The following OR2L2 variants were observed in gnomAD, a reference collection of about 807,000 sequenced individuals.
OR2L2 encodes the protein olfactory receptor 2L2.
For missense variants in OR2L2, 378 were observed against 375.2 expected, an observed-to-expected ratio of 1.01 and a Z score of -0.06; for synonymous variants, 156 against 135.4, an observed-to-expected ratio of 1.15 and a Z score of -1.06.
chr1:248,039,010 C>T lies in OR2L2; in HGVS notation c.743C>T (p.Ser248Phe). ...TGTAGCACCCACCTCACTGTAGTGT[C>T]CTTCTACTATGCACCCTTTGCTTAT... The part of the protein sequence containing the change: ...STCSTHLTVV[S>F]FYYAPFAYTY... The change falls in exon 3 of 3, where the codon TCC becomes TTC. Residue 248 changes from serine to phenylalanine, a missense_variant. Physicochemically the swap from Ser to Phe is radical, Grantham distance 155. Coordinates refer to ENST00000641771, the MANE Select transcript of OR2L2 (RefSeq NM_001385855.1). 6.2e-7 allele frequency: 1 copy of T among 1,614,110 alleles called. No homozygotes were observed. The highest frequency in any genetic ancestry group is 8.5e-7 in the Non-Finnish European group (1 of 1,180,008).
Position 248,039,191 on chromosome 1 carries a change from C to T in OR2L2, c.924C>T (p.Phe308=). The change falls in exon 3 of 3, where the codon TTC becomes TTT. Residue 308 remains phenylalanine (F), a synonymous_variant. Coordinates refer to ENST00000641771, the MANE Select transcript of OR2L2 (RefSeq NM_001385855.1). Reference sequence around the variant, plus strand: ...TGACACAAGTGATTCAGAAAATCTTCTCAGTGAAAATGTAGACATACGTTC... The same window carrying T: ...TGACACAAGTGATTCAGAAAATCTTTTCAGTGAAAATGTAGACATACGTTC... ...GALTQVIQKI[F]SVKM 2 of 1,608,774 alleles carry T rather than the reference C, an allele frequency of 1.2e-6. No individual in the cohort carries two copies. Among genetic ancestry groups the T allele is most frequent in the Non-Finnish European group, 1.7e-6 (2 of 1,177,236 alleles).
Position 248,038,907 on chromosome 1 carries a change from G to T in OR2L2, c.640G>T (p.Ala214Ser). 1 of 1,614,076 alleles carries T rather than the reference G, an allele frequency of 6.2e-7. No homozygotes were observed. The change falls in exon 3 of 3, where the codon GCA becomes TCA. Residue 214 changes from alanine (A) to serine (S), a missense_variant. Ala to Ser is a moderately conservative substitution (Grantham distance 99). Coordinates refer to ENST00000641771, the MANE Select transcript of OR2L2 (RefSeq NM_001385855.1). ...IFLVLPFTGI[A>S]CSYGRVLLAV... ...TCTTGTGCTTCCTTTCACTGGTATT[G>T]CATGTTCCTATGGCCGGGTTCTCCT... is the stretch of plus-strand genomic sequence containing the variant.
Position 248,041,483 on chromosome 1 carries a change from G to T in OR2L2, c.*2277G>T, listed in dbSNP as rs1398278376. On this transcript the variant is annotated 3_prime_UTR_variant, in exon 3 of 3. Transcript: ENST00000641771. ...TCATGTCTAAAATACCAAAAGCAAT[G>T]GCAACAAAAGCCAAAATTGACAATT... 3.3e-5 allele frequency: 5 copies of T among 152,140 alleles called. No individual in the cohort carries two copies. The highest frequency in any genetic ancestry group is 7.3e-5 in the Non-Finnish European group (5 of 68,072). The allele number at this position is 152,140 out of a possible 1,614,324, so 9.4% of individuals were successfully genotyped here.
rs866113648 is a variant in OR2L2, at chr1:248,041,524, T to C, written c.*2318T>C. 1.3e-5 allele frequency: 2 copies of C among 150,116 alleles called. No homozygotes were observed. Among genetic ancestry groups the C allele is most frequent in the African/African-American group, 5.1e-5 (2 of 39,540 alleles). The allele number at this position is 150,116 out of a possible 1,614,324, so 9.3% of individuals were successfully genotyped here. Reference sequence around the variant, plus strand: ...ATTGACAATTGAGATCTAATTAAACTAAAGAGCTTCTGCACAGCAAAAGAA... The same window carrying C: ...ATTGACAATTGAGATCTAATTAAACCAAAGAGCTTCTGCACAGCAAAAGAA... On this transcript the variant is annotated 3_prime_UTR_variant, in exon 3 of 3. Transcript: ENST00000641771.
intron 1 of OR2L2, among the ~76,000 whole-genome samples, chr1:248,031,396 T>G (rs1662616870): frequency 6.6e-6 from 1 of 152,230 alleles, no homozygotes; most frequent in South Asian, 2.1e-4. Context: ...GAGCAAGGTC[T>G]GGTAGAAAGA....
intron 2 of OR2L2, 39 bp from the exon 3 acceptor site, chr1:248,038,208 G>A: frequency 1.6e-6 from 2 of 1,231,526 alleles, no homozygotes; most frequent in South Asian, 2.8e-5. Flanking sequence ...GGATAAAAGT[G>A]AATTACTGTT....
intron 1 of OR2L2, among the ~76,000 whole-genome samples, chr1:248,034,671 C>A (rs1198991649): frequency 6.6e-6 from 1 of 152,078 alleles, no homozygotes; most frequent in Non-Finnish European, 1.5e-5. Context: ...TGTCATTTTT[C>A]AATATATAAG....
intron 1 of OR2L2, among the ~76,000 whole-genome samples, chr1:248,034,399 T>C (rs1352797910): frequency 1.3e-5 from 2 of 151,866 alleles, no homozygotes; most frequent in East Asian, 1.9e-4. Context: ...AATCAGAAAG[T>C]ATCAGTTTTT....
At chr1:248,033,319 C>T (rs563840712) in intron 1 of OR2L2, among the ~76,000 whole-genome samples, 8 of 152,050 alleles carry the variant, frequency 5.3e-5, no homozygotes, top group East Asian at 1.9e-4. Context: ...TTTCAAACAC[C>T]GTTTGTTGAA....
At chr1:248,035,406 G>T (rs1348131938) in intron 1 of OR2L2, 144 bp from the exon 2 acceptor site, 1 of 151,824 alleles carries the variant, frequency 6.6e-6, no homozygotes, top group African/African-American at 2.4e-5. Context: ...CCGAGATCGC[G>T]CCACTGCACT....
At chr1:248,033,887 C>T (rs1292498221) in intron 1 of OR2L2, among the ~76,000 whole-genome samples, 1 of 152,102 alleles carries the variant, frequency 6.6e-6, no homozygotes, top group Admixed American at 6.5e-5. Context: ...CCACAGCAGT[C>T]AGAAAGAGAA....
intron 1 of OR2L2, among the ~76,000 whole-genome samples, chr1:248,032,721 G>A (rs1173056030): frequency 2.0e-5 from 3 of 151,988 alleles, no homozygotes; most frequent in Non-Finnish European, 4.4e-5. Context: ...TCCATTGTAT[G>A]TACTCATTAC....
intron 2 of OR2L2, among the ~76,000 whole-genome samples, chr1:248,036,598 T>G (rs1016964224): frequency 4.0e-5 from 5 of 123,730 alleles, no homozygotes; most frequent in Non-Finnish European, 9.1e-5. Flanking sequence ...ATTGTTACAC[T>G]TCCTCAAAGG....
At chr1:248,034,743 A>G (rs1662709350) in intron 1 of OR2L2, among the ~76,000 whole-genome samples, 1 of 152,206 alleles carries the variant, frequency 6.6e-6, no homozygotes, top group African/African-American at 2.4e-5. Context: ...ATACTATTGT[A>G]AATAAAATCA....
At chr1:248,031,507 G>T (rs1187865844) in intron 1 of OR2L2, among the ~76,000 whole-genome samples, 1 of 152,194 alleles carries the variant, frequency 6.6e-6, no homozygotes, top group Non-Finnish European at 1.5e-5. Flanking sequence ...GTCTTTTAAT[G>T]GGGTCTTGGT....
intron 1 of OR2L2, among the ~76,000 whole-genome samples, chr1:248,030,844 CAAT>C (rs897674769): frequency 6.6e-5 from 10 of 152,054 alleles, no homozygotes; most frequent in Admixed American, 3.9e-4. Context: ...TGGAGATAGT[CAAT>C]AAAAGTTCAT....
chr1:248,037,957 T>C (rs1289717876), intron 2 of OR2L2, among the ~76,000 whole-genome samples: 1 of 152,210 alleles, frequency 6.6e-6, no homozygotes, highest in Non-Finnish European at 1.5e-5. Context: ...AAATGAGCAC[T>C]TTTTCAATAT....
Position 248,039,371 on chromosome 1 carries a change from C to G in OR2L2, c.*165C>G, listed in dbSNP as rs926985569. The G allele has an allele frequency of 6.3e-6, 3 of 478,034 alleles. No homozygotes were observed. In the African/African-American group the frequency reaches 6.9e-5, roughly 11 times the overall value. 29.6% of individuals were successfully genotyped at this position (478,034 alleles called of 1,614,324 possible). A position where few individuals can be genotyped will look rare whatever the true frequency, so the allele number is the denominator to read the frequency against. Reference sequence around the variant, plus strand: ...GACAATATTATAATACATATTAATACATATTCTAAGACATCTATTTTGATT... The same window carrying G: ...GACAATATTATAATACATATTAATAGATATTCTAAGACATCTATTTTGATT... On this transcript the variant is annotated 3_prime_UTR_variant, in exon 3 of 3. Coordinates refer to ENST00000641771, the MANE Select transcript of OR2L2 (RefSeq NM_001385855.1).
In OR2L2 at chr1:248,038,757, T is replaced by C. The variant is rs758711358; in HGVS notation, c.490T>C (p.Cys164Arg). 1.1e-5 allele frequency: 17 copies of C among 1,614,088 alleles called. No individual in the cohort carries two copies. In the African/African-American group the frequency reaches 1.3e-4, roughly 13 times the overall value. ...NSCAHTVYALCIPYCKSRAIN... is the reference protein window; with the variant it reads ...NSCAHTVYALRIPYCKSRAIN... ...TTGTGCTCACACAGTATATGCACTC[T>C]GTATCCCATATTGCAAGTCCAGAGC... is the stretch of plus-strand genomic sequence containing the variant. The change falls in exon 3 of 3, where the codon TGT (cysteine) becomes CGT (arginine). Residue 164 changes from cysteine (C) to arginine (R), a missense_variant. Physicochemically the swap from Cys to Arg is radical, Grantham distance 180 (BLOSUM62 -3). Coordinates refer to ENST00000641771, the MANE Select transcript of OR2L2 (RefSeq NM_001385855.1).
Sources: gnomAD v4.1 joint callset for allele counts (sites outside exome capture counted in the v4.1 genomes callset) on GRCh38, gnomAD v4.1.1 for gene constraint, MANE v1.5 for transcripts, NCBI Gene and HGNC (gene_info 2026-07-23, HGNC 2026-07-21) for gene names.